The following RIPOR2 variants were observed in gnomAD, a reference collection of about 807,000 sequenced individuals.
RIPOR2 encodes RHO family interacting cell polarization regulator 2, also known as rho family-interacting cell polarization regulator 2.
RIPOR2 carries 39 observed loss-of-function variants against 114.5 expected under a neutral mutation model. That is an observed-to-expected ratio of 0.34 (90% CI 0.26 to 0.44). The LOEUF is 0.44. RIPOR2 is among the 20% of genes least tolerant of loss of function. The probability of loss-of-function intolerance (pLI) is 1.00; values close to 1 mark genes in which losing one functional copy is unlikely to be tolerated. For synonymous variants in RIPOR2, 445 were observed against 484.4 expected, an observed-to-expected ratio of 0.92 and a Z score of 1.07; for missense variants, 1,007 against 1,255.1, an observed-to-expected ratio of 0.80 and a Z score of 2.99.
At chr6:24,852,369 C>T (rs1296207928) in intron 9 of RIPOR2, among the ~76,000 whole-genome samples, 3 of 151,830 alleles carry the variant, frequency 2.0e-5, no homozygotes, top group African/African-American at 2.4e-5. Context: ...GCAAATGTGG[C>T]ATAATGTTAC....
At chr6:24,875,206 T>A (rs912424747) in intron 2 of RIPOR2, among the ~76,000 whole-genome samples, 4 of 152,224 alleles carry the variant, frequency 2.6e-5, no homozygotes, top group African/African-American at 9.7e-5. Flanking sequence ...ATGTTGCTTA[T>A]TCACTGTCTG....
At chr6:24,976,379 T>C (rs1469216508) in intron 1 of RIPOR2, 1 of 1,278,834 alleles carries the variant, frequency 7.8e-7, no homozygotes, top group Admixed American at 1.9e-5. Context: ...GAAAAGGCTT[T>C]GCAGACGCCG....
rs761701187 is a variant in RIPOR2, at chr6:24,865,467, A to G, written c.502-17T>C. 58 of 1,589,264 alleles carry G rather than the reference A, an allele frequency of 3.6e-5. No individual in the cohort carries two copies. The Middle Eastern group carries it at 5.0e-4, about 14-fold the overall frequency. On this transcript the variant is annotated splice_polypyrimidine_tract_variant and intron_variant, in intron 6 of 21. Transcript: ENST00000643898. Reference sequence around the variant, plus strand: ...TTCATCTACCTGCCAGAATCAAAACAGGAAACAGAAATAAATGTCAGGCTT... The same window carrying G: ...TTCATCTACCTGCCAGAATCAAAACGGGAAACAGAAATAAATGTCAGGCTT...
chr6:24,921,459 C>T (rs1437912341), intron 1 of RIPOR2, among the ~76,000 whole-genome samples: 5 of 151,906 alleles, frequency 3.3e-5, no homozygotes, highest in African/African-American at 1.2e-4. Flanking sequence ...CCACCATGCC[C>T]AGCCTTAGAT....
chr6:24,882,755 T>C (rs899732961), intron 1 of RIPOR2, among the ~76,000 whole-genome samples: 1 of 152,256 alleles, frequency 6.6e-6, no homozygotes, highest in African/African-American at 2.4e-5. Flanking sequence ...TTTTGTATCC[T>C]GCTTTTTCTA....
intron 13 of RIPOR2, chr6:24,839,512 G>T: frequency 7.1e-7 from 1 of 1,405,542 alleles, no homozygotes; most frequent in Non-Finnish European, 9.6e-7. Flanking sequence ...GCAGGTTGAA[G>T]AATAGGAAAC....
chr6:24,921,146 C>T (rs1770447336), intron 1 of RIPOR2, among the ~76,000 whole-genome samples: 2 of 152,022 alleles, frequency 1.3e-5, no homozygotes, highest in South Asian at 4.1e-4. Flanking sequence ...CTCCCCAAAA[C>T]CTCTTAGATC....
intron 1 of RIPOR2, among the ~76,000 whole-genome samples, chr6:25,031,496 G>A (rs1465353966): frequency 6.6e-6 from 1 of 150,784 alleles, no homozygotes; most frequent in Non-Finnish European, 1.5e-5. Context: ...TGTGCTCTAT[G>A]TAATTACACC....
intron 1 of RIPOR2, among the ~76,000 whole-genome samples, chr6:25,002,257 T>C (rs1462267483): frequency 2.0e-5 from 3 of 152,162 alleles, no homozygotes; most frequent in Non-Finnish European, 4.4e-5. Flanking sequence ...ACCATATAAG[T>C]ATTGGGTATT....
chr6:24,920,922 G>T (rs1383446649), intron 1 of RIPOR2, among the ~76,000 whole-genome samples: 1 of 152,072 alleles, frequency 6.6e-6, no homozygotes, highest in African/African-American at 2.4e-5. Context: ...GCCAGGTAAG[G>T]ATCCCATGAG....
intron 11 of RIPOR2, among the ~76,000 whole-genome samples, chr6:24,849,058 C>A (rs984995779): frequency 1.3e-5 from 2 of 152,162 alleles, no homozygotes; most frequent in Non-Finnish European, 1.5e-5. Flanking sequence ...GTGCCTGCCA[C>A]AATGCCCAGC....
intron 1 of RIPOR2, among the ~76,000 whole-genome samples, chr6:24,924,510 T>C (rs1448897508): frequency 6.6e-6 from 1 of 152,248 alleles, no homozygotes; most frequent in South Asian, 2.1e-4. Context: ...CTTACGGTGT[T>C]TCTCCTTTTA....
intron 1 of RIPOR2, among the ~76,000 whole-genome samples, chr6:25,041,449 A>T (rs758327830): frequency 6.6e-6 from 1 of 152,248 alleles, no homozygotes; most frequent in African/African-American, 2.4e-5. Flanking sequence ...ATCTAGCGAC[A>T]CTGCTGATAA....
In RIPOR2 at chr6:24,876,771, A is replaced by C. The variant is rs996024210; in HGVS notation, c.62-954T>G. 2.0e-5 allele frequency among the ~76,000 whole-genome samples: 3 copies of C among 152,326 alleles called. No homozygotes were observed. In the East Asian group the frequency reaches 5.8e-4, roughly 29 times the overall value. ...AAGAGGAAAATACAGCAGAAAGCGC[A>C]CAACTTGTATTTCAGTCTTTTGCTT... On this transcript the variant is annotated intron_variant, in intron 1 of 21. Coordinates refer to ENST00000643898, the MANE Select transcript of RIPOR2 (RefSeq NM_001286445.3).
At position 24,841,387 on chromosome 6, in the gene RIPOR2, G is replaced by T. The variant is rs190627389; in HGVS notation, c.1857+1475C>A. ...TTGAACTGATATTTTACAGAAAGTA[G>T]ATTCAGAGTGCCCTTCTGTTTCTCG... On this transcript the variant is annotated intron_variant, in intron 13 of 21. Transcript: ENST00000643898. Among the ~76,000 whole-genome samples the T allele has an allele frequency of 5.9e-5, 9 of 152,164 alleles. No individual in the cohort carries two copies. In the East Asian group the frequency reaches 1.7e-3, roughly 29 times the overall value.
intron 1 of RIPOR2, among the ~76,000 whole-genome samples, chr6:24,985,370 ATTT>A (rs11300406): frequency 5.9e-5 from 9 of 151,388 alleles, no homozygotes; most frequent in Admixed American, 4.6e-4. Context: ...AGACCAAGTG[ATTT>A]TTTTTTTTTA....
chr6:24,979,904 G>A (rs1774222149), intron 1 of RIPOR2, among the ~76,000 whole-genome samples: 1 of 152,202 alleles, frequency 6.6e-6, no homozygotes, highest in Non-Finnish European at 1.5e-5. Flanking sequence ...ATTAAATGAA[G>A]TTATGTAAGT....
rs201901775 is a variant in RIPOR2 at position 24,848,059 on chromosome 6, G to A, written c.1130C>T (p.Pro377Leu). ...GTGGTCTTTGAAGGTGGGCGTTTCC[G>A]GGGTACCCTGGCTGTACATGGACAT... is the stretch of plus-strand genomic sequence containing the variant. ...RRMSMYSQGT[P>L]ETPTFKDHSF... The change falls in exon 12 of 22, where the codon CCG becomes CTG. Residue 377 changes from proline to leucine, a missense_variant. Physicochemically the swap from Pro to Leu is moderately conservative, Grantham distance 98 (BLOSUM62 -3). Transcript: ENST00000643898. 380 of 1,613,778 alleles carry A rather than the reference G, an allele frequency of 2.4e-4. No individual in the cohort carries two copies. The highest frequency in any genetic ancestry group is 1.3e-3 in the Middle Eastern group (8 of 6,084).
rs1763682951 is a variant in RIPOR2, at chr6:24,858,226, C to T, written c.715+2747G>A. Among the ~76,000 whole-genome samples, 2 of 152,136 alleles carry T rather than the reference C, an allele frequency of 1.3e-5. No individual in the cohort carries two copies. The highest frequency in any genetic ancestry group is 2.4e-5 in the African/African-American group (1 of 41,432). On this transcript the variant is annotated intron_variant, in intron 8 of 21. Transcript: ENST00000643898. The surrounding 1 kb of genome is among the most constrained non-coding windows in gnomAD (Gnocchi z 4.0). ...TGGTAGACCATGTGGAACTCAAGGC[C>T]AGGGAGCAGTCATCAGAATGCAGTC...
Sources: allele counts gnomAD v4.1 joint callset (sites outside exome capture counted in the v4.1 genomes callset), GRCh38; gene constraint gnomAD v4.1.1; non-coding constraint Gnocchi (gnomAD v3.1); transcripts MANE v1.5; gene names NCBI Gene and HGNC (gene_info 2026-07-23, HGNC 2026-07-21).